SH3GLB2: variants seen among roughly 807,000 people sequenced by gnomAD.
SH3GLB2 encodes the protein endophilin-B2.
SH3GLB2 carries 24 observed loss-of-function variants against 48.0 expected under a neutral mutation model. The observed-to-expected ratio is 0.50, with a 90% CI of 0.36 to 0.70. The LOEUF is 0.70. SH3GLB2 is among the 30% of genes least tolerant of loss of function. The probability of loss-of-function intolerance (pLI) is 0.00; values close to 1 mark genes in which losing one functional copy is unlikely to be tolerated. For missense variants in SH3GLB2, 425 were observed against 516.0 expected (o/e 0.82, Z 1.71); for synonymous variants, 227 against 207.6 (o/e 1.09, Z -0.80).
At chr9:129,012,772 G>A (rs917680133) in intron 5 of SH3GLB2, 15 of 582,476 alleles carry the variant, frequency 2.6e-5, no homozygotes, top group African/African-American at 9.3e-5. Context: ...AAGGTGGACA[G>A]ATGGATGCAT....
At chr9:129,012,364 G>A (rs1413598529) in intron 5 of SH3GLB2, 66 bp from the exon 6 acceptor site, 4 of 1,058,298 alleles carry the variant, frequency 3.8e-6, no homozygotes, top group Non-Finnish European at 4.9e-6. Context: ...TCGAGGTCAG[G>A]AGGCTACCCC....
chr9:129,008,878 C>A lies in SH3GLB2; in HGVS notation c.1081-87G>T, dbSNP rs1019182589. 9 of 1,372,140 alleles carry A rather than the reference C, an allele frequency of 6.6e-6. No homozygotes were observed. The African/African-American group carries it at 1.1e-4, about 17-fold the overall frequency. The allele number at this position is 1,372,140 out of a possible 1,614,324, so 85.0% of individuals were successfully genotyped here. On this transcript the variant is annotated intron_variant, in intron 10 of 10. Coordinates refer to ENST00000372564, the MANE Select transcript of SH3GLB2 (RefSeq NM_020145.4). ...TAAGTGGGGACAGAGCTGCCACCTC[C>A]CCATGGCCCGTGGCATGTGCTACAC...
chr9:129,021,032 G>A (rs1843760819), intron 3 of SH3GLB2, 59 bp downstream of exon 3: 14 of 1,397,058 alleles, frequency 1.0e-5, no homozygotes, highest in African/African-American at 1.5e-5. Context: ...GGAAGGGAGG[G>A]AGGGAGAATC....
At position 129,014,063 on chromosome 9, in the gene SH3GLB2, TAAG is replaced by T. The variant is rs1360739102; in HGVS notation, c.561+345_561+347del. On this transcript the variant is annotated intron_variant, in intron 5 of 10. Transcript: ENST00000372564. The surrounding 1 kb of genome is among the most constrained non-coding windows in gnomAD (Gnocchi z 4.1). ...TTCAAGCAGCAAGTAGTAGAGTTAG[TAAG>T]AAGGTGCCATGCCCGGGCAGAGCCG... The T allele has an allele frequency of 3.8e-6, 2 of 529,620 alleles. No homozygotes were observed. Among genetic ancestry groups the T allele is most frequent in the Non-Finnish European group, 7.3e-6 (2 of 274,986 alleles). 32.8% of individuals were successfully genotyped at this position (529,620 alleles called of 1,614,324 possible). A position where few individuals can be genotyped will look rare whatever the true frequency, so the allele number is the denominator to read the frequency against.
rs1198848402 is a variant in SH3GLB2, at chr9:129,010,794, C to T, written c.625-101G>A. 7 of 1,408,500 alleles carry T rather than the reference C, an allele frequency of 5.0e-6. No individual in the cohort carries two copies. The East Asian group carries it at 9.5e-5, about 19-fold the overall frequency. The allele number at this position is 1,408,500 out of a possible 1,614,324, so 87.3% of individuals were successfully genotyped here. A position where few individuals can be genotyped will look rare whatever the true frequency, so the allele number is the denominator to read the frequency against. On this transcript the variant is annotated intron_variant, in intron 6 of 10. Coordinates refer to ENST00000372564, the MANE Select transcript of SH3GLB2 (RefSeq NM_020145.4). ...CCCCAGCTCCCAGACTCAACTTCTGCCCCCCTGCCCCTCTGCCCCCCCTCC... is the reference window on the plus strand; with the variant it reads ...CCCCAGCTCCCAGACTCAACTTCTGTCCCCCTGCCCCTCTGCCCCCCCTCC...
At position 129,012,204 on chromosome 9, in the gene SH3GLB2, C is replaced by T. The variant is rs1201452724; in HGVS notation, c.624+32G>A. ...TGTGGGACGTGGGGAGAGAGGAGGA[C>T]GAGGGGTGGGGTGGGGGTGGGGTGC... is the stretch of plus-strand genomic sequence containing the variant. On this transcript the variant is annotated intron_variant, in intron 6 of 10. Coordinates refer to ENST00000372564, the MANE Select transcript of SH3GLB2 (RefSeq NM_020145.4). The T allele has an allele frequency of 1.5e-5, 8 of 516,280 alleles. No individual in the cohort carries two copies. The Admixed American group carries it at 1.5e-3, about 98-fold the overall frequency. The allele number at this position is 516,280 out of a possible 1,614,324, so 32.0% of individuals were successfully genotyped here.
rs775810377 is a variant in SH3GLB2 at position 129,008,712 on chromosome 9, G to A, written c.1160C>T (p.Pro387Leu). The A allele has an allele frequency of 2.5e-6, 4 of 1,614,184 alleles. No homozygotes were observed. Among genetic ancestry groups the A allele is most frequent in the Non-Finnish European group, 3.4e-6 (4 of 1,180,004 alleles). ...GERGNKKGKV[P>L]VTYLELLS ...GCTGAGCAGTTCCAAGTAGGTGACAGGGACCTTGCCCTTCTTGTTGCCTCT... is the reference window on the plus strand; with the variant it reads ...GCTGAGCAGTTCCAAGTAGGTGACAAGGACCTTGCCCTTCTTGTTGCCTCT... The change falls in exon 11 of 11, where the codon CCT becomes CTT. Residue 387 changes from proline to leucine, a missense_variant. Coordinates refer to ENST00000372564, the MANE Select transcript of SH3GLB2 (RefSeq NM_020145.4).
chr9:129,014,539 G>C lies in SH3GLB2; in HGVS notation c.469-36C>G. ...GGGCATGGGGACAGTGAGACCCTGG[G>C]CTGCCCTGGGAGACCCTGAGCCATG... On this transcript the variant is annotated intron_variant, in intron 4 of 10. Coordinates refer to ENST00000372564, the MANE Select transcript of SH3GLB2 (RefSeq NM_020145.4). This position sits in a 1 kb window ranked among gnomAD's most constrained non-coding sequence, Gnocchi z 4.1. The C allele has an allele frequency of 6.5e-7, 1 of 1,545,666 alleles. No homozygotes were observed. The highest frequency in any genetic ancestry group is 8.8e-7 in the Non-Finnish European group (1 of 1,141,574).
intron 1 of SH3GLB2, among the ~76,000 whole-genome samples, chr9:129,026,565 G>A (rs1332234274): frequency 6.6e-6 from 1 of 152,138 alleles, no homozygotes; most frequent in Non-Finnish European, 1.5e-5. Flanking sequence ...CCCGAGGCTG[G>A]GGCCTGACTG....
At chr9:129,008,911 G>T in intron 10 of SH3GLB2, 120 bp from the exon 11 acceptor site, 1 of 1,259,218 alleles carries the variant, frequency 7.9e-7, no homozygotes. Flanking sequence ...CACCTTCAGT[G>T]GCTGGCGCTC....
At position 129,008,676 on chromosome 9, in the gene SH3GLB2, G is replaced by A. The variant is rs1245737552; in HGVS notation, c.*8C>T. 1.2e-5 allele frequency: 20 copies of A among 1,610,368 alleles called. No individual in the cohort carries two copies. Among genetic ancestry groups the A allele is most frequent in the Non-Finnish European group, 1.7e-5 (20 of 1,176,658 alleles). On this transcript the variant is annotated 3_prime_UTR_variant, in exon 11 of 11. Transcript: ENST00000372564. The stretch of plus-strand genomic sequence containing the variant: ...AGGCCAGAATGCGGGGGGGATGGGG[G>A]CACCTGCCTAGCTGAGCAGTTCCAA...
At chr9:129,027,951 A>AG in intron 1 of SH3GLB2, 141 bp downstream of exon 1, 2 of 750,652 alleles carry the variant, frequency 2.7e-6, no homozygotes, top group Non-Finnish European at 3.9e-6. Context: ...GCAAGGGCTC[A>AG]GGGGGGCAGA....
At position 129,021,182 on chromosome 9, in the gene SH3GLB2, G is replaced by A; in HGVS notation, c.243C>T (p.Asp81=). Reference sequence around the variant, plus strand: ...TGGTGACCCTTGAGGGGACCTTCCTGTCCAGCTTCTCATACAGGAACTCCT... The same window carrying A: ...TGGTGACCCTTGAGGGGACCTTCCTATCCAGCTTCTCATACAGGAACTCCT... ...RVEEFLYEKL[D]RKVPSRVTNG... The change falls in exon 3 of 11, where the codon GAC becomes GAT. Residue 81 remains aspartate, a synonymous_variant. Coordinates refer to ENST00000372564, the MANE Select transcript of SH3GLB2 (RefSeq NM_020145.4). The A allele has an allele frequency of 6.2e-7, 1 of 1,611,714 alleles. No homozygotes were observed. Among genetic ancestry groups the A allele is most frequent in the Non-Finnish European group, 8.5e-7 (1 of 1,179,570 alleles).
rs1358182074 is a variant in SH3GLB2 at position 129,022,433 on chromosome 9, G to C, written c.64-10C>G. On this transcript the variant is annotated splice_polypyrimidine_tract_variant and intron_variant, in intron 1 of 10. Transcript: ENST00000372564. ...ATTTCTCCTCCGTGAACTACGCAGA[G>C]GGGAAGGCCAAGGGGTGGGGAGGGG... is the stretch of plus-strand genomic sequence containing the variant. 5 of 1,613,270 alleles carry C rather than the reference G, an allele frequency of 3.1e-6. No individual in the cohort carries two copies. Among genetic ancestry groups the C allele is most frequent in the Non-Finnish European group, 4.2e-6 (5 of 1,179,742 alleles).
chr9:129,009,790 A>G lies in SH3GLB2; in HGVS notation c.820T>C (p.Leu274=). Residue 274 remains leucine, a synonymous_variant, in exon 9 of 11, where the codon TTG becomes CTG. Transcript: ENST00000372564. ...CCGCACCTGCCCAGCTGCTTCTGCA[A>G]GTCCAGCATGTGGCGGTAGCACTGT... The part of the protein sequence containing the change: ...YAQCYRHMLD[L]QKQLGRFPGT... The G allele has an allele frequency of 6.2e-7, 1 of 1,613,632 alleles. No homozygotes were observed. The highest frequency in any genetic ancestry group is 8.5e-7 in the Non-Finnish European group (1 of 1,179,798).
In SH3GLB2 at chr9:129,011,867, T is replaced by C. The variant is rs543391914; in HGVS notation, c.624+369A>G. The C allele has an allele frequency of 4.3e-6, 1 of 232,374 alleles. No individual in the cohort carries two copies. Among genetic ancestry groups the C allele is most frequent in the East Asian group, 8.4e-5 (1 of 11,968 alleles). The allele number at this position is 232,374 out of a possible 1,614,324, so 14.4% of individuals were successfully genotyped here. ...AACTCCAGAAAGGCACGGCCAGGCC[T>C]CCTCCTCTATCCTCAGGGCCTCCCC... is the stretch of plus-strand genomic sequence containing the variant. On this transcript the variant is annotated intron_variant, in intron 6 of 10. Coordinates refer to ENST00000372564, the MANE Select transcript of SH3GLB2 (RefSeq NM_020145.4). This position sits in a 1 kb window ranked among gnomAD's most constrained non-coding sequence, Gnocchi z 4.5.
At chr9:129,022,257 C>T in intron 2 of SH3GLB2, 25 bp downstream of exon 2, 4 of 1,610,818 alleles carry the variant, frequency 2.5e-6, no homozygotes, top group Non-Finnish European at 3.4e-6. Context: ...TACATCCCTC[C>T]CCGGGCCCAC....
rs1451113069 is a variant in SH3GLB2 at position 129,014,242 on chromosome 9, C to A, written c.561+169G>T. Among the ~76,000 whole-genome samples the A allele has an allele frequency of 6.6e-6, 1 of 152,172 alleles. No homozygotes were observed. The highest frequency in any genetic ancestry group is 2.1e-4 in the South Asian group (1 of 4,834). On this transcript the variant is annotated intron_variant, in intron 5 of 10. Coordinates refer to ENST00000372564, the MANE Select transcript of SH3GLB2 (RefSeq NM_020145.4). This position sits in a 1 kb window ranked among gnomAD's most constrained non-coding sequence, Gnocchi z 4.1. The stretch of plus-strand genomic sequence containing the variant: ...CCAGAGCTCGGGGGCCACCAAGGCT[C>A]CCTTGAGGGCAGGGACAGAGAGGCT...
rs761409857 is a variant in SH3GLB2 at position 129,012,251 on chromosome 9, C to T, written c.609G>A (p.Ser203=). 33 of 1,296,252 alleles carry T rather than the reference C, an allele frequency of 2.5e-5. No homozygotes were observed. In the Admixed American group the frequency reaches 4.1e-4, roughly 16 times the overall value. 80.3% of individuals were successfully genotyped at this position (1,296,252 alleles called of 1,614,324 possible). The change falls in exon 6 of 11, where the codon TCG becomes TCA. Residue 203 remains serine (S), a synonymous_variant. Transcript: ENST00000372564. ...GTGCGCTTACCGCGGAGGCGCTGGCCGAGAGAATGTAATTACGAGGTCTAG... is the reference window on the plus strand; with the variant it reads ...GTGCGCTTACCGCGGAGGCGCTGGCTGAGAGAATGTAATTACGAGGTCTAG... ...QETRPRNYIL[S]ASASALWNDE...
Sources: allele counts gnomAD v4.1 joint callset (sites outside exome capture counted in the v4.1 genomes callset), GRCh38; gene constraint gnomAD v4.1.1; non-coding constraint Gnocchi (gnomAD v3.1); transcripts MANE v1.5; gene names NCBI Gene and HGNC (gene_info 2026-07-23, HGNC 2026-07-21).